The following DCC variants were observed in gnomAD, a reference collection of about 807,000 sequenced individuals.
The protein encoded by DCC is netrin receptor DCC.
Under a neutral mutation model 172.5 loss-of-function variants are expected in DCC, and 58 were observed. The observed-to-expected ratio is 0.34, with a 90% confidence interval of 0.27 to 0.42. The LOEUF is 0.42. DCC is among the 10% of genes least tolerant of loss of function. The pLI is 1.00. For synonymous variants in DCC, 709 were observed against 644.5 expected (o/e 1.10, Z -1.52); for missense variants, 1,740 against 1,791.0 (o/e 0.97, Z 0.51).
intron 8 of DCC, among the ~76,000 whole-genome samples, chr18:53,177,285 C>T (rs1400367593): frequency 1.3e-5 from 2 of 151,862 alleles, no homozygotes; most frequent in East Asian, 3.9e-4. Flanking sequence ...ACATATGTAA[C>T]TAACCTGCAC....
chr18:52,659,979 T>C (rs1383971412), intron 1 of DCC, among the ~76,000 whole-genome samples: 1 of 152,196 alleles, frequency 6.6e-6, no homozygotes, highest in Non-Finnish European at 1.5e-5. Flanking sequence ...GTGATTTACC[T>C]GAATCTAACC....
intron 2 of DCC, among the ~76,000 whole-genome samples, chr18:52,791,190 T>C (rs1437071839): frequency 3.9e-5 from 6 of 152,150 alleles, no homozygotes; most frequent in Non-Finnish European, 8.8e-5. Context: ...CTGTCTGATA[T>C]GATTGCTAAA....
At chr18:53,389,585 G>C (rs1263045577) in intron 16 of DCC, among the ~76,000 whole-genome samples, 1 of 152,104 alleles carries the variant, frequency 6.6e-6, no homozygotes, top group Non-Finnish European at 1.5e-5. Flanking sequence ...CACAGCTCTG[G>C]AGGAAGTGTC....
intron 26 of DCC, among the ~76,000 whole-genome samples, 128 bp from the exon 27 acceptor site, chr18:53,499,145 GAAGGTAGACGAATGACAATGTTCAT>G (rs2046064226): frequency 6.6e-6 from 1 of 152,174 alleles, no homozygotes; most frequent in Non-Finnish European, 1.5e-5. Flanking sequence ...GTAAGTATAT[GAAGGTAGACGAATGACAATGTTCAT>G]AACTTGGAGA....
Position 53,511,584 on chromosome 18 carries a change from C to T in DCC, c.4111+12074C>T, listed in dbSNP as rs998529311. On this transcript the variant is annotated intron_variant, in intron 27 of 28. Coordinates refer to ENST00000442544, the MANE Select transcript of DCC (RefSeq NM_005215.4). ...TCACTAGGGAGTGCCAGACAGTGGG[C>T]GCAGGTCAGTGGGTGCGCACACCGT... 9.2e-5 allele frequency among the ~76,000 whole-genome samples: 14 copies of T among 152,234 alleles called. No homozygotes were observed. In the South Asian group the frequency reaches 1.0e-3, roughly 11 times the overall value.
intron 15 of DCC, among the ~76,000 whole-genome samples, chr18:53,344,004 T>C (rs1275306693): frequency 6.6e-6 from 1 of 152,038 alleles, no homozygotes; most frequent in Non-Finnish European, 1.5e-5. Flanking sequence ...TGGTCTTTTC[T>C]TGTTCCTGTC....
chr18:53,418,146 GTAGT>G (rs1910427483), intron 21 of DCC, among the ~76,000 whole-genome samples: 2 of 152,314 alleles, frequency 1.3e-5, no homozygotes, highest in African/African-American at 2.4e-5. Flanking sequence ...TGGTTGGCAT[GTAGT>G]TAGTTGATCA....
chr18:53,490,277 G>A (rs752118577), intron 26 of DCC, among the ~76,000 whole-genome samples: 1 of 152,112 alleles, frequency 6.6e-6, no homozygotes, highest in Non-Finnish European at 1.5e-5. Flanking sequence ...GTGTTACGTC[G>A]TTCTTCTGAG....
chr18:53,091,500 G>C lies in DCC; in HGVS notation c.1261+25334G>C, dbSNP rs553775116. Among the ~76,000 whole-genome samples the C allele has an allele frequency of 1.4e-4, 21 of 151,512 alleles. No individual in the cohort carries two copies. The South Asian group carries it at 4.4e-3, about 32-fold the overall frequency. On this transcript the variant is annotated intron_variant, in intron 7 of 28. Transcript: ENST00000442544. ...ACATAAATTTATTTCTCATGGTTCT[G>C]GTGACCGGCTGAGTTTCCCTAGTCT...
intron 9 of DCC, among the ~76,000 whole-genome samples, chr18:53,180,972 C>T (rs1252388494): frequency 6.6e-6 from 1 of 152,068 alleles, no homozygotes; most frequent in East Asian, 1.9e-4. Flanking sequence ...TATGTAAAAT[C>T]AATAACTTTT....
At chr18:53,032,188 T>TA (rs1163656014) in intron 5 of DCC, among the ~76,000 whole-genome samples, 5 of 152,038 alleles carry the variant, frequency 3.3e-5, no homozygotes, top group African/African-American at 7.2e-5. Context: ...TCTCCTCAAA[T>TA]AAAAAAATAC....
chr18:52,388,365 A>G (rs1210674135), intron 1 of DCC, among the ~76,000 whole-genome samples: 1 of 151,638 alleles, frequency 6.6e-6, no homozygotes, highest in Non-Finnish European at 1.5e-5. Flanking sequence ...TCCATAAACC[A>G]GGCTGTTGAC....
chr18:52,862,420 C>T (rs140878709), intron 2 of DCC, among the ~76,000 whole-genome samples: 89 of 151,968 alleles, frequency 5.9e-4, no homozygotes, highest in Admixed American at 2.6e-3. Flanking sequence ...AAAAATATTC[C>T]GGCCGGGTGT....
intron 1 of DCC, among the ~76,000 whole-genome samples, chr18:52,376,680 A>C (rs1158439342): frequency 6.6e-6 from 1 of 152,136 alleles, no homozygotes; most frequent in Non-Finnish European, 1.5e-5. Flanking sequence ...CTCTGCAATC[A>C]TTTAGTGAAT....
chr18:52,627,657 C>A (rs1428937280), intron 1 of DCC, among the ~76,000 whole-genome samples: 1 of 152,228 alleles, frequency 6.6e-6, no homozygotes, highest in Non-Finnish European at 1.5e-5. Flanking sequence ...AACAACAAAA[C>A]ATTCCACTTG....
intron 1 of DCC, among the ~76,000 whole-genome samples, chr18:52,345,562 C>T (rs546114486): frequency 4.5e-4 from 68 of 152,280 alleles, no homozygotes; most frequent in African/African-American, 1.6e-3. Flanking sequence ...CTGCTGTGGG[C>T]TGCTTGCTTG....
intron 1 of DCC, among the ~76,000 whole-genome samples, chr18:52,591,385 T>TC (rs1207710193): frequency 1.3e-5 from 2 of 152,190 alleles, no homozygotes; most frequent in African/African-American, 4.8e-5. Context: ...TGCTTTTTTT[T>TC]CACTTAAAAC....
intron 2 of DCC, among the ~76,000 whole-genome samples, chr18:52,877,284 G>T (rs2039417933): frequency 6.6e-6 from 1 of 152,162 alleles, no homozygotes; most frequent in Admixed American, 6.5e-5. Flanking sequence ...TGTCACAACT[G>T]AAAGTGTCTC....
At chr18:53,170,255 G>A in intron 8 of DCC, among the ~76,000 whole-genome samples, 1 of 152,132 alleles carries the variant, frequency 6.6e-6, no homozygotes, top group Non-Finnish European at 1.5e-5. Flanking sequence ...CTGTACTGTG[G>A]AACTCAGGGA....
Sources: gnomAD v4.1 joint callset for allele counts (sites outside exome capture counted in the v4.1 genomes callset) on GRCh38, gnomAD v4.1.1 for gene constraint, MANE v1.5 for transcripts, NCBI Gene and HGNC (gene_info 2026-07-23, HGNC 2026-07-21) for gene names.